STXBP5: variants seen among roughly 807,000 people sequenced by gnomAD.
The protein encoded by STXBP5 is syntaxin-binding protein 5.
STXBP5 carries 50 observed loss-of-function variants against 152.4 expected under a neutral mutation model. That is an observed-to-expected ratio of 0.33 (90% CI 0.26 to 0.42). STXBP5 has a LOEUF of 0.42. Among genes scored for constraint, STXBP5 ranks in the 10% least tolerant of loss-of-function variants. The pLI, the probability that STXBP5 is intolerant of heterozygous loss-of-function variation, is 1.00. For missense variants in STXBP5, 1,167 were observed against 1,388.6 expected, an observed-to-expected ratio of 0.84 and a Z score of 2.54; for synonymous variants, 492 against 494.7, an observed-to-expected ratio of 0.99 and a Z score of 0.07.
intron 21 of STXBP5, among the ~76,000 whole-genome samples, chr6:147,340,356 C>T (rs1784035485): frequency 6.6e-6 from 1 of 151,812 alleles, no homozygotes; most frequent in African/African-American, 2.4e-5. Flanking sequence ...ACTGTTAGCC[C>T]CTTGTCATTT....
chr6:147,291,516 CTT>C (rs1431322249), intron 9 of STXBP5, among the ~76,000 whole-genome samples: 1 of 152,012 alleles, frequency 6.6e-6, no homozygotes, highest in African/African-American at 2.4e-5. Flanking sequence ...TAAAATTTAA[CTT>C]ATTTTTACTA....
intron 26 of STXBP5, among the ~76,000 whole-genome samples, chr6:147,377,644 G>C (rs1223720856): frequency 2.6e-5 from 4 of 152,208 alleles, no homozygotes; most frequent in South Asian, 2.1e-4. Context: ...TCTCACCTGG[G>C]GGAAAGAGAG....
chr6:147,366,060 G>C (rs1010066232), intron 25 of STXBP5, among the ~76,000 whole-genome samples: 6 of 152,178 alleles, frequency 3.9e-5, no homozygotes, highest in Admixed American at 3.9e-4. Context: ...TTCAGGACAT[G>C]GCACAGGGCG....
chr6:147,277,444 A>C (rs1284404563), intron 7 of STXBP5, among the ~76,000 whole-genome samples: 2 of 152,098 alleles, frequency 1.3e-5, no homozygotes, highest in Non-Finnish European at 2.9e-5. Context: ...AATTGAAATA[A>C]TATTAGAGCA....
chr6:147,227,367 A>G (rs1777772092), intron 2 of STXBP5, among the ~76,000 whole-genome samples: 1 of 152,154 alleles, frequency 6.6e-6, no homozygotes, highest in African/African-American at 2.4e-5. Flanking sequence ...TACCTTGCCC[A>G]TGCCTACCCC....
At chr6:147,260,444 G>C (rs146351215) in intron 4 of STXBP5, among the ~76,000 whole-genome samples, 171 bp from the exon 5 acceptor site, 3 of 152,106 alleles carry the variant, frequency 2.0e-5, no homozygotes, top group Admixed American at 2.0e-4. Flanking sequence ...TATGTTTGAT[G>C]TATAAGCTGA....
At chr6:147,279,108 G>C (rs528120018) in intron 8 of STXBP5, among the ~76,000 whole-genome samples, 65 of 152,258 alleles carry the variant, frequency 4.3e-4, no homozygotes, top group African/African-American at 1.3e-3. Flanking sequence ...ATCAGCCAAG[G>C]GCCAACCTTG....
At chr6:147,214,477 C>T (rs1327697690) in intron 2 of STXBP5, among the ~76,000 whole-genome samples, 1 of 152,052 alleles carries the variant, frequency 6.6e-6, no homozygotes, top group Non-Finnish European at 1.5e-5. Context: ...AGTGAGTGTT[C>T]CTCAATGGCC....
intron 8 of STXBP5, among the ~76,000 whole-genome samples, chr6:147,279,551 T>A (rs1780603306): frequency 6.6e-6 from 1 of 152,196 alleles, no homozygotes; most frequent in Non-Finnish European, 1.5e-5. Context: ...GCTTGCTTGT[T>A]TTCTGGGAAA....
At chr6:147,212,166 G>T (rs189131651) in intron 2 of STXBP5, among the ~76,000 whole-genome samples, 1 of 152,298 alleles carries the variant, frequency 6.6e-6, no homozygotes, top group African/African-American at 2.4e-5. Flanking sequence ...AATCTGCTTG[G>T]AAACAGTTTA....
chr6:147,273,296 C>T (rs1309115498), intron 7 of STXBP5, among the ~76,000 whole-genome samples: 1 of 151,700 alleles, frequency 6.6e-6, no homozygotes, highest in South Asian at 2.1e-4. Flanking sequence ...CCCTGGAGTT[C>T]AAGGCAGCAG....
intron 17 of STXBP5, among the ~76,000 whole-genome samples, chr6:147,326,435 G>A (rs1168733838): frequency 1.3e-5 from 2 of 152,090 alleles, no homozygotes; most frequent in Non-Finnish European, 2.9e-5. Context: ...CCGTGTCCGT[G>A]TTTCTCCATG....
intron 3 of STXBP5, 51 bp from the exon 4 acceptor site, chr6:147,239,119 C>A: frequency 1.3e-6 from 2 of 1,513,146 alleles, no homozygotes; most frequent in South Asian, 1.2e-5. Context: ...GAGTAGACTT[C>A]ATGTTTATAA....
rs564420526 is a variant in STXBP5, at chr6:147,344,499, T to G, written c.2254+5115T>G. Among the ~76,000 whole-genome samples, 9 of 152,356 alleles carry G rather than the reference T, an allele frequency of 5.9e-5. 1 individual carries two copies. The highest frequency in any genetic ancestry group is 2.2e-4 in the African/African-American group (9 of 41,586). ...GGGAGGCTTAAACAATTCGGGAGGT[T>G]AGAAGTCCAAGATCAAGGTGTCAGT... On this transcript the variant is annotated intron_variant, in intron 21 of 27. Coordinates refer to ENST00000321680, the MANE Select transcript of STXBP5 (RefSeq NM_001127715.4).
In STXBP5 at chr6:147,206,050, A is replaced by G; in HGVS notation, c.230A>G (p.Gln77Arg). 1 of 1,613,924 alleles carries G rather than the reference A, an allele frequency of 6.2e-7. No homozygotes were observed. Among genetic ancestry groups the G allele is most frequent in the African/African-American group, 1.3e-5 (1 of 75,050 alleles). Residue 77 changes from glutamine (Q) to arginine (R), a missense_variant, in exon 2 of 28, where the codon CAG becomes CGG. Transcript: ENST00000321680. ...PVQKILAVGT[Q>R]TGALRLFGRP... The stretch of plus-strand genomic sequence containing the variant: ...CAGAAGATCCTGGCAGTGGGAACTC[A>G]GACTGGTGCTTTAAGGCTGTATCCT...
At chr6:147,309,945 T>C (rs1158735869) in intron 9 of STXBP5, 139 bp from the exon 10 acceptor site, 1 of 547,986 alleles carries the variant, frequency 1.8e-6, no homozygotes, top group African/African-American at 2.0e-5. Context: ...AAAAATTCCA[T>C]GAGACAATTC....
intron 22 of STXBP5, among the ~76,000 whole-genome samples, chr6:147,356,099 A>T (rs1784803956): frequency 6.6e-6 from 1 of 152,112 alleles, no homozygotes; most frequent in Non-Finnish European, 1.5e-5. Flanking sequence ...ATTTTTATAG[A>T]TAAATTATGT....
At chr6:147,353,267 A>G in intron 21 of STXBP5, 56 bp from the exon 22 acceptor site, 7 of 1,132,812 alleles carry the variant, frequency 6.2e-6, no homozygotes, top group African/African-American at 1.6e-5. Flanking sequence ...AAATCAGTTG[A>G]TATTAGTATG....
chr6:147,247,885 C>T (rs1778887931), intron 4 of STXBP5, among the ~76,000 whole-genome samples: 2 of 151,950 alleles, frequency 1.3e-5, no homozygotes, highest in African/African-American at 4.8e-5. Flanking sequence ...CCAAAAGGGC[C>T]TTACAATGTG....
Sources: gnomAD v4.1 joint callset for allele counts (sites outside exome capture counted in the v4.1 genomes callset) on GRCh38, gnomAD v4.1.1 for gene constraint, MANE v1.5 for transcripts, NCBI Gene and HGNC (gene_info 2026-07-23, HGNC 2026-07-21) for gene names.